Variants in SCRN1 observed in about 807,000 individuals in gnomAD.
SCRN1 encodes secernin-1.
In SCRN1, 19 loss-of-function variants were observed where a neutral mutation model predicts 43.3. The observed-to-expected ratio is 0.44, with a 90% CI of 0.31 to 0.64. The LOEUF is 0.64. Ranked by LOEUF, SCRN1 falls within the 30% of genes least tolerant of loss-of-function variation. SCRN1 has a pLI of 0.09. For missense variants in SCRN1, 447 were observed against 524.1 expected, an observed-to-expected ratio of 0.85 and a Z score of 1.44; for synonymous variants, 183 against 188.9, an observed-to-expected ratio of 0.97 and a Z score of 0.26.
At chr7:29,973,847 A>T (rs1194024576) in intron 1 of SCRN1, among the ~76,000 whole-genome samples, 4 of 152,238 alleles carry the variant, frequency 2.6e-5, no homozygotes, top group Non-Finnish European at 5.9e-5. Flanking sequence ...AGTGGTATTC[A>T]TACAGGCGAA....
intron 2 of SCRN1, among the ~76,000 whole-genome samples, chr7:29,957,184 A>G (rs1021390468): frequency 5.3e-5 from 8 of 152,232 alleles, no homozygotes; most frequent in South Asian, 2.1e-4. Flanking sequence ...CATTTCCCCA[A>G]TTATTTACAG....
At chr7:29,981,167 CACT>C (rs1393094884) in intron 1 of SCRN1, among the ~76,000 whole-genome samples, 2 of 150,854 alleles carry the variant, frequency 1.3e-5, no homozygotes, top group African/African-American at 4.9e-5. Context: ...GTCACTAAGG[CACT>C]GCTAAGTGCA....
At chr7:29,941,221 G>C (rs1405500558) in intron 4 of SCRN1, among the ~76,000 whole-genome samples, 1 of 152,204 alleles carries the variant, frequency 6.6e-6, no homozygotes, top group Non-Finnish European at 1.5e-5. Context: ...CAGGTCCTTT[G>C]AAAGAGGTAC....
intron 1 of SCRN1, among the ~76,000 whole-genome samples, chr7:29,978,542 TAG>T (rs994652436): frequency 3.3e-5 from 5 of 152,198 alleles, no homozygotes; most frequent in African/African-American, 7.2e-5. Context: ...TGACACACTT[TAG>T]AGACACCAGG....
intron 1 of SCRN1, among the ~76,000 whole-genome samples, chr7:29,986,438 T>C (rs1183128207): frequency 6.6e-6 from 1 of 152,178 alleles, no homozygotes; most frequent in Non-Finnish European, 1.5e-5. Flanking sequence ...TTTTTGAAAT[T>C]GTGTGTATAT....
Position 29,921,729 on chromosome 7 carries a change from G to A in SCRN1, c.*2228C>T, listed in dbSNP as rs1786766287. On this transcript the variant is annotated 3_prime_UTR_variant, in exon 8 of 8. Transcript: ENST00000242059. ...TGACCAAGGTCAATGTACCCTAACA[G>A]AAGTAGCCATTGTGTTTCCCAATGG... is the stretch of plus-strand genomic sequence containing the variant. 1 of 152,264 alleles carries A rather than the reference G, an allele frequency of 6.6e-6. No individual in the cohort carries two copies. The highest frequency in any genetic ancestry group is 2.4e-5 in the African/African-American group (1 of 41,472). 9.4% of individuals were successfully genotyped at this position (152,264 alleles called of 1,614,324 possible). A position where few individuals can be genotyped will look rare whatever the true frequency, so the allele number is the denominator to read the frequency against.
At chr7:29,988,017 C>G (rs1789215136) in intron 1 of SCRN1, among the ~76,000 whole-genome samples, 1 of 151,516 alleles carries the variant, frequency 6.6e-6, no homozygotes, top group South Asian at 2.1e-4. Flanking sequence ...GCTGGCAGCA[C>G]GGAAGTGAAA....
At chr7:29,954,309 T>C (rs1223692224) in intron 3 of SCRN1, among the ~76,000 whole-genome samples, 1 of 152,064 alleles carries the variant, frequency 6.6e-6, no homozygotes, top group South Asian at 2.1e-4. Context: ...TTTTCTTTTC[T>C]AGTTTATGAT....
At position 29,926,627 on chromosome 7, in the gene SCRN1, A is replaced by T; in HGVS notation, c.911T>A (p.Ile304Lys). 6.2e-7 allele frequency: 1 copy of T among 1,613,208 alleles called. No homozygotes were observed. The highest frequency in any genetic ancestry group is 8.5e-7 in the Non-Finnish European group (1 of 1,179,448). The change falls in exon 7 of 8, where the codon ATA becomes AAA. Residue 304 changes from isoleucine to lysine, a missense_variant. Transcript: ENST00000242059. ...ATCAACAAAGATGAAAGGCTTGAAT[A>T]TGGACCTGGAGAGGAAGGAGAGGCA... ...FTGTPDPSRS[I>K]FKPFIFVDDV...
intron 6 of SCRN1, among the ~76,000 whole-genome samples, chr7:29,931,891 T>C (rs375916651): frequency 3.3e-5 from 5 of 152,250 alleles, no homozygotes; most frequent in Admixed American, 2.0e-4. Flanking sequence ...TCTATGTTTA[T>C]TCCAGCTTTA....
intron 1 of SCRN1, among the ~76,000 whole-genome samples, chr7:29,984,988 A>C (rs937364724): frequency 1.4e-5 from 2 of 145,158 alleles, no homozygotes; most frequent in Non-Finnish European, 3.0e-5. Flanking sequence ...ACAAAGATTT[A>C]AAAATTTGAT....
At chr7:29,956,582 C>T (rs1455078515) in intron 2 of SCRN1, among the ~76,000 whole-genome samples, 5 of 152,196 alleles carry the variant, frequency 3.3e-5, no homozygotes, top group Admixed American at 1.3e-4. Flanking sequence ...GTATTGATTT[C>T]CCATAATCGC....
At chr7:29,927,085 TCTA>T (rs1786988334) in intron 6 of SCRN1, among the ~76,000 whole-genome samples, 1 of 151,848 alleles carries the variant, frequency 6.6e-6, no homozygotes, top group African/African-American at 2.4e-5. Context: ...TTTCTGAGGT[TCTA>T]CCTTACTGAA....
chr7:29,976,629 T>C (rs969032931), intron 1 of SCRN1, among the ~76,000 whole-genome samples: 2 of 152,246 alleles, frequency 1.3e-5, no homozygotes, highest in Admixed American at 1.3e-4. Flanking sequence ...GAGCCACATG[T>C]GGCCAGAGGC....
At chr7:29,959,540 G>A (rs995318913) in intron 2 of SCRN1, among the ~76,000 whole-genome samples, 1 of 152,120 alleles carries the variant, frequency 6.6e-6, no homozygotes, top group African/African-American at 2.4e-5. Context: ...AAGTAGCTGG[G>A]ACTAGAGGTG....
chr7:29,990,109 C>T (rs567033706), upstream of SCRN1: 1 of 1,549,156 alleles, frequency 6.5e-7, no homozygotes, highest in South Asian at 1.2e-5. Flanking sequence ...GGCGCCTCTT[C>T]CCGACGTTTG....
At chr7:29,946,949 C>T (rs995386580) in intron 3 of SCRN1, among the ~76,000 whole-genome samples, 2 of 152,218 alleles carry the variant, frequency 1.3e-5, no homozygotes, top group Non-Finnish European at 2.9e-5. Context: ...CATCCAGAGG[C>T]CAATGTTAAA....
chr7:29,984,952 A>C (rs1186372748), intron 1 of SCRN1, among the ~76,000 whole-genome samples: 2 of 144,220 alleles, frequency 1.4e-5, no homozygotes, highest in Non-Finnish European at 3.0e-5. Flanking sequence ...AATTAAAATA[A>C]GGAGCCAATT....
At chr7:29,974,407 C>T (rs560406284) in intron 1 of SCRN1, among the ~76,000 whole-genome samples, 5 of 152,156 alleles carry the variant, frequency 3.3e-5, no homozygotes, top group Non-Finnish European at 7.3e-5. Flanking sequence ...TGTTTCATTA[C>T]TATGTTTCAC....
Sources: allele counts gnomAD v4.1 joint callset (sites outside exome capture counted in the v4.1 genomes callset), GRCh38; gene constraint gnomAD v4.1.1; transcripts MANE v1.5; gene names NCBI Gene and HGNC (gene_info 2026-07-23, HGNC 2026-07-21).